The following EPB41L2 variants were observed in gnomAD, a reference collection of about 807,000 sequenced individuals.
EPB41L2 encodes the protein erythrocyte membrane protein band 4.1 like 2.
Under a neutral mutation model 113.0 loss-of-function variants are expected in EPB41L2, and 43 were observed. That is an observed-to-expected ratio of 0.38 (90% CI 0.30 to 0.49). The LOEUF is 0.49. EPB41L2 is among the 20% of genes least tolerant of loss of function. The pLI, the probability that EPB41L2 is intolerant of heterozygous loss-of-function variation, is 0.95. For synonymous variants in EPB41L2, 442 were observed against 436.7 expected (o/e 1.01, Z -0.15); for missense variants, 1,147 against 1,223.4 (o/e 0.94, Z 0.93).
intron 10 of EPB41L2, among the ~76,000 whole-genome samples, chr6:130,892,403 C>CTTTTTTTTTTCTTTTTTTTTTTTTTTTT (rs1793210447): frequency 1.1e-5 from 1 of 92,640 alleles, no homozygotes; most frequent in Non-Finnish European, 2.4e-5. Flanking sequence ...CAGATTATTG[C>CTTTTTTTTTTCTTTTTTTTTTTTTTTTT]TTTTTTTTTT....
At chr6:131,047,259 C>G (rs1795646327) in intron 1 of EPB41L2, among the ~76,000 whole-genome samples, 2 of 152,034 alleles carry the variant, frequency 1.3e-5, no homozygotes, top group African/African-American at 2.4e-5. Flanking sequence ...TCACTTGAGC[C>G]CAGGAGTTCA....
At chr6:130,967,756 A>G (rs185347806) in intron 1 of EPB41L2, among the ~76,000 whole-genome samples, 45 of 152,314 alleles carry the variant, frequency 3.0e-4, no homozygotes, top group Admixed American at 2.9e-3. Flanking sequence ...ATTCATATGA[A>G]GAGGGTAAAG....
chr6:131,031,090 TAA>T (rs1237163854), intron 1 of EPB41L2, among the ~76,000 whole-genome samples: 11 of 144,458 alleles, frequency 7.6e-5, no homozygotes, highest in Admixed American at 7.6e-4. Flanking sequence ...AGAGCCTGTC[TAA>T]AAAAAAAAAG....
intron 1 of EPB41L2, among the ~76,000 whole-genome samples, chr6:131,051,638 G>C (rs1260575650): frequency 6.6e-6 from 1 of 152,094 alleles, no homozygotes; most frequent in Non-Finnish European, 1.5e-5. Context: ...CAAGTTGATT[G>C]TTGGAAAAGC....
chr6:130,925,778 C>T (rs935156242), intron 4 of EPB41L2, among the ~76,000 whole-genome samples: 5 of 152,100 alleles, frequency 3.3e-5, no homozygotes, highest in African/African-American at 4.8e-5. Context: ...TGTGCTATTA[C>T]GTCTGAAAAC....
At chr6:130,917,678 G>C (rs953498098) in intron 4 of EPB41L2, among the ~76,000 whole-genome samples, 21 of 152,072 alleles carry the variant, frequency 1.4e-4, no homozygotes, top group African/African-American at 4.8e-4. Context: ...CCACTGCAAA[G>C]GTCCTTATAC....
At chr6:130,936,848 T>C (rs1305444625) in intron 3 of EPB41L2, among the ~76,000 whole-genome samples, 1 of 152,228 alleles carries the variant, frequency 6.6e-6, no homozygotes, top group Non-Finnish European at 1.5e-5. Context: ...TAGTAAGACC[T>C]CCTACAGTCT....
intron 1 of EPB41L2, among the ~76,000 whole-genome samples, chr6:131,053,453 A>G (rs962148805): frequency 6.6e-6 from 1 of 150,774 alleles, no homozygotes; most frequent in Non-Finnish European, 1.5e-5. Flanking sequence ...AAAAAAAAAA[A>G]AAAAAAGAAA....
chr6:131,006,725 A>T (rs894219055), intron 1 of EPB41L2, among the ~76,000 whole-genome samples: 4 of 151,848 alleles, frequency 2.6e-5, no homozygotes, highest in African/African-American at 4.8e-5. Context: ...AGCATTTTTT[A>T]AAAATGCTGG....
At chr6:130,974,523 T>C (rs1777683582) in intron 1 of EPB41L2, among the ~76,000 whole-genome samples, 3 of 152,070 alleles carry the variant, frequency 2.0e-5, no homozygotes, top group African/African-American at 7.2e-5. Flanking sequence ...AGAATGAGTT[T>C]TGTGGCACTA....
chr6:131,026,884 T>A (rs1296607851), intron 1 of EPB41L2, among the ~76,000 whole-genome samples: 1 of 152,202 alleles, frequency 6.6e-6, no homozygotes, highest in Non-Finnish European at 1.5e-5. Flanking sequence ...TTCCCTCGCC[T>A]TTTCTAGCCC....
At chr6:131,013,619 C>A (rs1341115357) in intron 1 of EPB41L2, 1 of 152,178 alleles carries the variant, frequency 6.6e-6, no homozygotes. Context: ...TGTTTTCCAG[C>A]CACAAGCTAC....
At chr6:130,895,999 A>T (rs770681350) in intron 8 of EPB41L2, among the ~76,000 whole-genome samples, 7 of 152,204 alleles carry the variant, frequency 4.6e-5, no homozygotes, top group Non-Finnish European at 8.8e-5. Context: ...CATATGTAAA[A>T]TTGAAGACTA....
At chr6:131,038,614 A>C (rs1377920805) in intron 1 of EPB41L2, among the ~76,000 whole-genome samples, 1 of 152,248 alleles carries the variant, frequency 6.6e-6, no homozygotes, top group African/African-American at 2.4e-5. Context: ...ACTAAAATAC[A>C]GTATAACCTT....
Position 130,890,464 on chromosome 6 carries a change from A to T in EPB41L2, c.1490T>A (p.Leu497His), listed in dbSNP as rs1160539088. Residue 497 changes from leucine to histidine, a missense_variant and splice_region_variant, in exon 11 of 20, where the codon CTT becomes CAT. By Grantham distance (99) the Leu-to-His change is moderately conservative (BLOSUM62 -3). Transcript: ENST00000337057. ...VCVEHHTFYR[L>H]VSPEQPPKAK... Reference sequence around the variant, plus strand: ...TTTTGGTGGCTGCTCTGGAGAAACAAGCCTATGGGAGGAAAAAAAAAAAAA... The same window carrying T: ...TTTTGGTGGCTGCTCTGGAGAAACATGCCTATGGGAGGAAAAAAAAAAAAA... 2 of 1,544,910 alleles carry T rather than the reference A, an allele frequency of 1.3e-6. No homozygotes were observed. The highest frequency in any genetic ancestry group is 4.4e-5 in the Admixed American group (2 of 45,732).
At chr6:130,943,243 T>A (rs1012239360) in intron 3 of EPB41L2, among the ~76,000 whole-genome samples, 7 of 152,172 alleles carry the variant, frequency 4.6e-5, no homozygotes, top group African/African-American at 1.4e-4. Context: ...TTTCTCCACA[T>A]CCTCTCCAGC....
intron 1 of EPB41L2, among the ~76,000 whole-genome samples, chr6:130,977,045 T>C (rs977951407): frequency 6.6e-6 from 1 of 152,176 alleles, no homozygotes; most frequent in African/African-American, 2.4e-5. Flanking sequence ...GAAAGCGTTA[T>C]AAAGCTTACA....
chr6:130,856,973 C>T (rs1457750887), intron 19 of EPB41L2, among the ~76,000 whole-genome samples: 2 of 152,024 alleles, frequency 1.3e-5, no homozygotes, highest in African/African-American at 4.8e-5. Context: ...CTAATACTAG[C>T]AAATATAAAT....
chr6:130,846,395 T>C (rs1050683057), intron 19 of EPB41L2, among the ~76,000 whole-genome samples: 4 of 152,210 alleles, frequency 2.6e-5, no homozygotes, highest in African/African-American at 9.7e-5. Context: ...CCTTCAATAA[T>C]TTTTAGGTGT....
Sources: allele counts gnomAD v4.1 joint callset (sites outside exome capture counted in the v4.1 genomes callset), GRCh38; gene constraint gnomAD v4.1.1; transcripts MANE v1.5; gene names NCBI Gene and HGNC (gene_info 2026-07-23, HGNC 2026-07-21).